FGF12: variants seen among roughly 807,000 people sequenced by gnomAD.
FGF12 encodes fibroblast growth factor 12, also known as fibroblast growth factor 12B.
FGF12 carries 14 observed loss-of-function variants against 23.6 expected under a neutral mutation model. The observed-to-expected ratio is 0.59, with a 90% CI of 0.39 to 0.93. The LOEUF (loss-of-function observed/expected upper bound fraction) is 0.93, where lower values mean the gene tolerates loss of function less well. FGF12 is among the 40% of genes least tolerant of loss of function. FGF12 has a pLI of 0.00. For synonymous variants in FGF12, 62 were observed against 77.3 expected, an observed-to-expected ratio of 0.80 and a Z score of 1.04; for missense variants, 175 against 217.8, an observed-to-expected ratio of 0.80 and a Z score of 1.24.
intron 4 of FGF12, among the ~76,000 whole-genome samples, chr3:192,244,269 A>G (rs922326035): frequency 6.6e-6 from 1 of 152,124 alleles, no homozygotes; most frequent in Non-Finnish European, 1.5e-5. Flanking sequence ...ATTATTTATA[A>G]TAGCAAAATA....
At chr3:192,726,315 G>A (rs1198115580) in intron 2 of FGF12, among the ~76,000 whole-genome samples, 3 of 152,136 alleles carry the variant, frequency 2.0e-5, no homozygotes, top group African/African-American at 7.2e-5. Flanking sequence ...CATCCAGTAT[G>A]CCTCCTGGAT....
intron 2 of FGF12, among the ~76,000 whole-genome samples, chr3:192,436,445 CA>C (rs1722032412): frequency 6.6e-6 from 1 of 152,122 alleles, no homozygotes; most frequent in Non-Finnish European, 1.5e-5. Context: ...CAAAAGGAGT[CA>C]AGAGATTTTA....
chr3:192,562,216 TTAGA>T (rs1206762807), intron 2 of FGF12, among the ~76,000 whole-genome samples: 1 of 151,992 alleles, frequency 6.6e-6, no homozygotes, highest in Admixed American at 6.6e-5. Context: ...ATGAGAAAAA[TTAGA>T]TAATTGGTTG....
At chr3:192,355,407 G>A (rs531689609) in intron 3 of FGF12, among the ~76,000 whole-genome samples, 1 of 152,338 alleles carries the variant, frequency 6.6e-6, no homozygotes, top group African/African-American at 2.4e-5. Context: ...GTTGATAAGT[G>A]CATAGACTAT....
intron 2 of FGF12, among the ~76,000 whole-genome samples, chr3:192,629,229 T>C (rs1477617718): frequency 6.6e-6 from 1 of 152,190 alleles, no homozygotes; most frequent in African/African-American, 2.4e-5. Context: ...CCCTAGAGCA[T>C]ATCATGTTCT....
chr3:192,171,323 A>T (rs1715547873), intron 4 of FGF12, among the ~76,000 whole-genome samples: 1 of 152,222 alleles, frequency 6.6e-6, no homozygotes, highest in African/African-American at 2.4e-5. Flanking sequence ...TGAGAGTTCT[A>T]GTCTCAGAAG....
At chr3:192,574,416 A>C (rs1712785751) in intron 2 of FGF12, among the ~76,000 whole-genome samples, 1 of 152,240 alleles carries the variant, frequency 6.6e-6, no homozygotes, top group South Asian at 2.1e-4. Context: ...AGGAGGGGCT[A>C]TGCTTCTGAC....
intron 2 of FGF12, among the ~76,000 whole-genome samples, chr3:192,612,980 CTG>C (rs1714606009): frequency 6.6e-6 from 1 of 151,544 alleles, no homozygotes; most frequent in Non-Finnish European, 1.5e-5. Context: ...GAACCACAAA[CTG>C]TGGGATAGAC....
chr3:192,698,204 A>G (rs542034866), intron 2 of FGF12, among the ~76,000 whole-genome samples: 1 of 152,318 alleles, frequency 6.6e-6, no homozygotes, highest in East Asian at 1.9e-4. Flanking sequence ...TAACTAATCA[A>G]TTAATAAGAG....
At chr3:192,720,265 G>A (rs551805106) in intron 2 of FGF12, among the ~76,000 whole-genome samples, 1 of 152,300 alleles carries the variant, frequency 6.6e-6, no homozygotes, top group South Asian at 2.1e-4. Flanking sequence ...CATTAGTAAT[G>A]GGGCTTGTTT....
rs561453287 is a variant in FGF12 at position 192,424,263 on chromosome 3, G to A, written c.14-63725C>T. Among the ~76,000 whole-genome samples the A allele has an allele frequency of 3.3e-5, 5 of 152,256 alleles. No individual in the cohort carries two copies. In the South Asian group the frequency reaches 6.2e-4, roughly 19 times the overall value. On this transcript the variant is annotated intron_variant, in intron 2 of 5. Coordinates refer to ENST00000445105, the MANE Select transcript of FGF12 (RefSeq NM_004113.6). ...CACTGGTTTATTGCATAGGAAAAGA[G>A]AGTCATAATTCTTTTTGTAACCATA... is the stretch of plus-strand genomic sequence containing the variant.
At chr3:192,167,769 A>ATATATAT (rs1553845519) in intron 5 of FGF12, among the ~76,000 whole-genome samples, 1,485 of 38,596 alleles carry the variant, frequency 0.038, 136 homozygotes, top group Middle Eastern at 0.11. Context: ...ATATATATAT[A>ATATATAT]AAATTTTTTT....
chr3:192,655,404 T>C (rs1716374686), intron 2 of FGF12, among the ~76,000 whole-genome samples: 1 of 152,146 alleles, frequency 6.6e-6, no homozygotes, highest in South Asian at 2.1e-4. Flanking sequence ...GGAGCTGCAA[T>C]AGACAGACAG....
intron 2 of FGF12, among the ~76,000 whole-genome samples, chr3:192,642,020 T>C (rs1220641190): frequency 6.6e-6 from 1 of 152,222 alleles, no homozygotes; most frequent in Non-Finnish European, 1.5e-5. Context: ...GTATCTTTTG[T>C]TTATAAATTA....
rs116445150 is a variant in FGF12, at chr3:192,474,067, G to T, written c.14-113529C>A. 7.8e-3 allele frequency among the ~76,000 whole-genome samples: 1,182 copies of T among 152,264 alleles called. 12 individuals are homozygous for T. Among genetic ancestry groups the T allele is most frequent in the African/African-American group, 0.026 (1,077 of 41,546 alleles). ...CACAGAACACAGAAGAAAACCTTAT[G>T]CATAGGGCAAATTATTGAAGACTGA... is the stretch of plus-strand genomic sequence containing the variant. On this transcript the variant is annotated intron_variant, in intron 2 of 5. Coordinates refer to ENST00000445105, the MANE Select transcript of FGF12 (RefSeq NM_004113.6).
intron 4 of FGF12, among the ~76,000 whole-genome samples, chr3:192,216,943 C>T (rs1468057602): frequency 2.6e-5 from 4 of 152,128 alleles, no homozygotes; most frequent in Non-Finnish European, 5.9e-5. Context: ...ATGAATTAAT[C>T]GAATCAGGAA....
chr3:192,563,169 T>C (rs1047306179), intron 2 of FGF12, among the ~76,000 whole-genome samples: 1 of 152,196 alleles, frequency 6.6e-6, no homozygotes, highest in Non-Finnish European at 1.5e-5. Flanking sequence ...TAAAGCAATT[T>C]CAGTTCAAAA....
intron 2 of FGF12, among the ~76,000 whole-genome samples, chr3:192,530,994 T>A (rs1466829493): frequency 1.3e-5 from 2 of 152,180 alleles, no homozygotes; most frequent in African/African-American, 2.4e-5. Context: ...TTTGTATTTT[T>A]AGTAGAGATA....
At chr3:192,670,840 G>A (rs796405419) in intron 2 of FGF12, among the ~76,000 whole-genome samples, 4 of 152,216 alleles carry the variant, frequency 2.6e-5, no homozygotes, top group African/African-American at 9.6e-5. Flanking sequence ...GAATCTCCTC[G>A]AGACTCAAGG....
Sources: allele counts gnomAD v4.1 joint callset (sites outside exome capture counted in the v4.1 genomes callset), GRCh38; gene constraint gnomAD v4.1.1; transcripts MANE v1.5; gene names NCBI Gene and HGNC (gene_info 2026-07-23, HGNC 2026-07-21).